The following ANKRD44 variants were observed in gnomAD, a reference collection of about 807,000 sequenced individuals.
The protein encoded by ANKRD44 is serine/threonine-protein phosphatase 6 regulatory ankyrin repeat subunit B.
Under a neutral mutation model 116.0 loss-of-function variants are expected in ANKRD44, and 35 were observed. That is an observed-to-expected ratio of 0.30 (90% confidence interval 0.23 to 0.40). ANKRD44 has a LOEUF of 0.40. Among genes scored for constraint, ANKRD44 ranks in the 10% least tolerant of loss-of-function variants. The probability of loss-of-function intolerance (pLI) is 1.00; values close to 1 mark genes in which losing one functional copy is unlikely to be tolerated. For missense variants in ANKRD44, 1,014 were observed against 1,242.6 expected (o/e 0.82, Z 2.77); for synonymous variants, 435 against 461.8 (o/e 0.94, Z 0.74).
intron 1 of ANKRD44, among the ~76,000 whole-genome samples, chr2:197,286,475 A>T (rs937841396): frequency 2.0e-5 from 3 of 151,628 alleles, no homozygotes; most frequent in African/African-American, 7.3e-5. Context: ...CCTGGGCCCA[A>T]TTGATCCTCC....
Position 197,146,955 on chromosome 2 carries a change from A to G in ANKRD44, c.190+72T>C, listed in dbSNP as rs962813632. On this transcript the variant is annotated intron_variant, in intron 3 of 27. Transcript: ENST00000282272. ...AAGGAATTTTGCTTGGGTTCACTGT[A>G]GTAGTCAATCTAGTAAATTGGTTAT... 4 of 1,367,052 alleles carry G rather than the reference A, an allele frequency of 2.9e-6. No homozygotes were observed. In the African/African-American group the frequency reaches 4.3e-5, roughly 15 times the overall value. The allele number at this position is 1,367,052 out of a possible 1,614,324, so 84.7% of individuals were successfully genotyped here.
At chr2:197,249,454 T>C (rs971814050) in intron 1 of ANKRD44, among the ~76,000 whole-genome samples, 2 of 152,234 alleles carry the variant, frequency 1.3e-5, no homozygotes, top group African/African-American at 4.8e-5. Context: ...GCCACCAACA[T>C]ACTTTTATTC....
At chr2:197,101,332 T>C (rs2078288365) in intron 9 of ANKRD44, among the ~76,000 whole-genome samples, 3 of 152,190 alleles carry the variant, frequency 2.0e-5, no homozygotes, top group African/African-American at 7.2e-5. Flanking sequence ...GGTTTCTTCA[T>C]TATTAGATTC....
At chr2:197,027,630 G>A (rs1483668049) in intron 16 of ANKRD44, among the ~76,000 whole-genome samples, 1 of 151,392 alleles carries the variant, frequency 6.6e-6, no homozygotes, top group Non-Finnish European at 1.5e-5. Context: ...TGAAGAGAAT[G>A]AGCAGTCATG....
At chr2:196,976,481 T>C (rs1391056996) in intron 21 of ANKRD44, among the ~76,000 whole-genome samples, 1 of 152,076 alleles carries the variant, frequency 6.6e-6, no homozygotes, top group South Asian at 2.1e-4. Context: ...ATAAAAGCTA[T>C]AAAAGTAATC....
intron 1 of ANKRD44, among the ~76,000 whole-genome samples, chr2:197,290,838 G>A (rs775981456): frequency 6.6e-6 from 1 of 151,696 alleles, no homozygotes; most frequent in Non-Finnish European, 1.5e-5. Context: ...TTTTTGAGAT[G>A]GAGTCTCAGT....
At chr2:196,975,427 G>A (rs891764008) in intron 21 of ANKRD44, among the ~76,000 whole-genome samples, 9 of 152,110 alleles carry the variant, frequency 5.9e-5, no homozygotes, top group Non-Finnish European at 1.2e-4. Flanking sequence ...AATAGAAGAG[G>A]AAGGAACATT....
chr2:197,025,255 T>C lies in ANKRD44; in HGVS notation c.1663A>G (p.Thr555Ala). The C allele has an allele frequency of 6.2e-7, 1 of 1,611,266 alleles. No homozygotes were observed. The change falls in exon 17 of 28, where the codon ACA becomes GCA. Residue 555 changes from threonine to alanine, a missense_variant. Physicochemically the swap from Thr to Ala is moderately conservative, Grantham distance 58. Transcript: ENST00000282272. ...RQCLELLLER[T>A]NSGFEESDSG... ...TCTGATTCTTCAAATCCACTGTTTGTTCTTTCCAAAAGCTGTGGAGACAAA... is the reference window on the plus strand; with the variant it reads ...TCTGATTCTTCAAATCCACTGTTTGCTCTTTCCAAAAGCTGTGGAGACAAA...
At chr2:197,176,230 T>G (rs541481516) in intron 2 of ANKRD44, among the ~76,000 whole-genome samples, 1 of 152,310 alleles carries the variant, frequency 6.6e-6, no homozygotes, top group African/African-American at 2.4e-5. Flanking sequence ...ATAAATAAAC[T>G]TCTATCTTAT....
At chr2:197,049,112 T>C (rs1420101160) in intron 16 of ANKRD44, among the ~76,000 whole-genome samples, 2 of 152,222 alleles carry the variant, frequency 1.3e-5, no homozygotes, top group Non-Finnish European at 2.9e-5. Flanking sequence ...TGCAAAAATT[T>C]TCTCCCATTC....
intron 1 of ANKRD44, among the ~76,000 whole-genome samples, chr2:197,192,844 G>T (rs1181084102): frequency 3.3e-5 from 5 of 152,010 alleles, no homozygotes; most frequent in African/African-American, 1.2e-4. Flanking sequence ...TTCCTCTTAA[G>T]TACCATAAGG....
chr2:197,298,569 G>A (rs2083794974), intron 1 of ANKRD44, among the ~76,000 whole-genome samples: 1 of 152,158 alleles, frequency 6.6e-6, no homozygotes, highest in Non-Finnish European at 1.5e-5. Flanking sequence ...GTGGCAGGAA[G>A]AAGTAAAAAG....
intron 20 of ANKRD44, among the ~76,000 whole-genome samples, chr2:197,006,607 C>T (rs865881515): frequency 7.2e-5 from 11 of 152,108 alleles, no homozygotes; most frequent in South Asian, 4.1e-4. Context: ...CTTCAGAGGA[C>T]GTTGTGAGGA....
intron 2 of ANKRD44, among the ~76,000 whole-genome samples, chr2:197,155,814 T>G (rs952996211): frequency 6.6e-6 from 1 of 152,210 alleles, no homozygotes; most frequent in Non-Finnish European, 1.5e-5. Context: ...AATTGGTAAA[T>G]GGAATTTTAT....
intron 1 of ANKRD44, among the ~76,000 whole-genome samples, chr2:197,211,117 C>T (rs2081315039): frequency 6.6e-6 from 1 of 152,202 alleles, no homozygotes; most frequent in South Asian, 2.1e-4. Flanking sequence ...CTAAGGACTC[C>T]TTGGTCCTGC....
intron 1 of ANKRD44, among the ~76,000 whole-genome samples, chr2:197,252,433 C>T (rs1352605611): frequency 1.3e-5 from 2 of 149,624 alleles, no homozygotes; most frequent in African/African-American, 4.9e-5. Context: ...TAGACGGAGT[C>T]GGAGTCTCTG....
intron 17 of ANKRD44, among the ~76,000 whole-genome samples, chr2:197,020,908 C>T (rs2076485610): frequency 6.6e-6 from 1 of 151,992 alleles, no homozygotes; most frequent in Non-Finnish European, 1.5e-5. Context: ...ATTAACTCTT[C>T]ATTTACATTA....
chr2:197,113,215 A>G (rs1346415058), intron 8 of ANKRD44, among the ~76,000 whole-genome samples: 1 of 152,216 alleles, frequency 6.6e-6, no homozygotes, highest in East Asian at 1.9e-4. Context: ...GAGAGCTCCT[A>G]AAAGTTATCT....
chr2:197,044,283 T>G (rs1306878105), intron 16 of ANKRD44, among the ~76,000 whole-genome samples: 1 of 152,218 alleles, frequency 6.6e-6, no homozygotes, highest in Non-Finnish European at 1.5e-5. Flanking sequence ...TCCTGCAGTT[T>G]CCAACTGCAC....
Sources: gnomAD v4.1 joint callset for allele counts (sites outside exome capture counted in the v4.1 genomes callset) on GRCh38, gnomAD v4.1.1 for gene constraint, MANE v1.5 for transcripts, NCBI Gene and HGNC (gene_info 2026-07-23, HGNC 2026-07-21) for gene names.